Variants in SARDH observed in about 807,000 individuals in gnomAD.
SARDH encodes sarcosine dehydrogenase, also known as sarcosine dehydrogenase, mitochondrial.
In SARDH, 95 loss-of-function variants were observed where a neutral mutation model predicts 109.1. That is an observed-to-expected ratio of 0.87 (90% confidence interval 0.74 to 1.03). SARDH has a LOEUF of 1.03. SARDH is among the 50% of genes least tolerant of loss of function. SARDH has a pLI of 0.00. For missense variants in SARDH, 1,267 were observed against 1,287.8 expected, an observed-to-expected ratio of 0.98 and a Z score of 0.25; for synonymous variants, 572 against 534.8, an observed-to-expected ratio of 1.07 and a Z score of -0.96.
At chr9:133,732,401 C>G (rs1832718802) in intron 3 of SARDH, 22 bp downstream of exon 3, 3 of 787,886 alleles carry the variant, frequency 3.8e-6, no homozygotes, top group Non-Finnish European at 4.0e-6. Context: ...CCCCTCCTTG[C>G]CCCCCGCAGG....
Position 133,733,931 on chromosome 9 carries a change from G to C in SARDH, c.243C>G (p.Thr81=). 1 of 1,593,678 alleles carries C rather than the reference G, an allele frequency of 6.3e-7. No homozygotes were observed. The highest frequency in any genetic ancestry group is 8.5e-7 in the Non-Finnish European group (1 of 1,169,726). ...VIGGGSLGCQ[T]LYHLAKLGMS... is the part of the protein sequence containing the mutation. ...TGCCCAGCTTGGCCAGGTGGTACAG[G>C]GTCTGGCAGCCCAAGCTGCCTCCAC... Residue 81 remains threonine (T), a synonymous_variant, in exon 2 of 21, where the codon ACC becomes ACG. Transcript: ENST00000439388.
Position 133,688,683 on chromosome 9 carries a change from G to T in SARDH, c.2069+1697C>A, listed in dbSNP as rs758947032. Among the ~76,000 whole-genome samples the T allele has an allele frequency of 1.3e-4, 20 of 152,314 alleles. 1 individual carries two copies. The highest frequency in any genetic ancestry group is 3.8e-4 in the African/African-American group (16 of 41,566). On this transcript the variant is annotated intron_variant, in intron 16 of 20. Coordinates refer to ENST00000439388, the MANE Select transcript of SARDH (RefSeq NM_001134707.2). ...GCCTGCTCCATCCCAGCCTCAATGC[G>T]TGCCTCAGACATACGCACTGGCCTG...
chr9:133,689,226 C>T (rs1478092689), intron 16 of SARDH, among the ~76,000 whole-genome samples: 2 of 151,658 alleles, frequency 1.3e-5, no homozygotes, highest in African/African-American at 4.9e-5. Context: ...ATCCTCTCCC[C>T]GAAGCTGCCA....
downstream of SARDH, among the ~76,000 whole-genome samples, chr9:133,659,553 C>T (rs760062247): frequency 5.9e-5 from 9 of 152,240 alleles, no homozygotes; most frequent in African/African-American, 2.2e-4. Flanking sequence ...AACAGATGCA[C>T]TTGTGTTCAG....
chr9:133,664,614 A>G (rs1214394250), intron 20 of SARDH, among the ~76,000 whole-genome samples: 1 of 152,158 alleles, frequency 6.6e-6, no homozygotes, highest in Non-Finnish European at 1.5e-5. Flanking sequence ...AGGGCAGGCT[A>G]GGCCACTCAG....
rs200059736 is a variant in SARDH, at chr9:133,718,761, C to A, written c.1020+177G>T. The stretch of plus-strand genomic sequence containing the variant: ...CCCTGGGTCTGTATTTGACTGCCTG[C>A]CAGGACCGTCAGGGTAAGAGCAAGA... On this transcript the variant is annotated intron_variant, in intron 7 of 20. Transcript: ENST00000439388. This position sits in a 1 kb window ranked among gnomAD's most constrained non-coding sequence, Gnocchi z 4.2. 5.1e-6 allele frequency: 4 copies of A among 782,360 alleles called. No individual in the cohort carries two copies. The highest frequency in any genetic ancestry group is 7.1e-6 in the Non-Finnish European group (3 of 420,548). The allele number at this position is 782,360 out of a possible 1,614,324, so 48.5% of individuals were successfully genotyped here. A position where few individuals can be genotyped will look rare whatever the true frequency, so the allele number is the denominator to read the frequency against.
intron 17 of SARDH, among the ~76,000 whole-genome samples, chr9:133,683,013 C>T (rs113637854): frequency 0.024 from 3,600 of 150,860 alleles, 196 homozygotes; most frequent in African/African-American, 0.083. Flanking sequence ...TGGGGAGAGG[C>T]GGCCCCTGCA....
At chr9:133,700,580 A>T (rs1831446009) in intron 13 of SARDH, among the ~76,000 whole-genome samples, 1 of 152,162 alleles carries the variant, frequency 6.6e-6, no homozygotes, top group Admixed American at 6.5e-5. Flanking sequence ...TTGCTGGGAG[A>T]TGAAAACATT....
intron 15 of SARDH, among the ~76,000 whole-genome samples, chr9:133,691,939 G>A (rs1367748337): frequency 1.3e-5 from 2 of 152,110 alleles, no homozygotes; most frequent in South Asian, 2.1e-4. Flanking sequence ...AACCAGCACC[G>A]CCGATCCCCA....
intron 6 of SARDH, among the ~76,000 whole-genome samples, chr9:133,724,712 A>G (rs939575709): frequency 7.0e-6 from 1 of 143,874 alleles, no homozygotes; most frequent in African/African-American, 2.5e-5. Context: ...GCAGTGTTTC[A>G]CATTTTTAAT....
intron 19 of SARDH, among the ~76,000 whole-genome samples, chr9:133,669,944 A>T (rs969505349): frequency 6.6e-5 from 10 of 152,122 alleles, no homozygotes; most frequent in Non-Finnish European, 1.3e-4. Flanking sequence ...CTCTTTTGAG[A>T]CCTGCATGGG....
At chr9:133,717,262 TACTA>T in intron 8 of SARDH, 60 bp downstream of exon 8, 6 of 1,596,320 alleles carry the variant, frequency 3.8e-6, no homozygotes, top group Non-Finnish European at 5.1e-6. Context: ...GGGGCATCAC[TACTA>T]ACAGTCATCA....
intron 16 of SARDH, among the ~76,000 whole-genome samples, chr9:133,689,749 CT>C (rs1831025262): frequency 6.6e-6 from 1 of 152,178 alleles, no homozygotes; most frequent in Admixed American, 6.5e-5. Flanking sequence ...CCCCCAGTCC[CT>C]TCTCCCAGCC....
Position 133,732,539 on chromosome 9 carries a change from C to T in SARDH, c.394G>A (p.Val132Met). 1.9e-6 allele frequency: 3 copies of T among 1,613,912 alleles called. No homozygotes were observed. The highest frequency in any genetic ancestry group is 2.5e-6 in the Non-Finnish European group (3 of 1,179,924). ...EVELLAHTRR[V>M]VSRELEEETG... Reference sequence around the variant, plus strand: ...TCCTCCTCCAGCTCCCGGCTCACCACCCGCCGAGTGTGGGCCAGAAGCTCC... The same window carrying T: ...TCCTCCTCCAGCTCCCGGCTCACCATCCGCCGAGTGTGGGCCAGAAGCTCC... Residue 132 changes from valine (V) to methionine (M), a missense_variant, in exon 3 of 21, where the codon GTG (valine) becomes ATG (methionine). Physicochemically the swap from Val to Met is conservative, Grantham distance 21 (BLOSUM62 1). Transcript: ENST00000439388.
In SARDH at chr9:133,696,380, G is replaced by T; in HGVS notation, c.1669-19C>A. 1.2e-6 allele frequency: 2 copies of T among 1,613,848 alleles called. No homozygotes were observed. On this transcript the variant is annotated intron_variant, in intron 13 of 20. Transcript: ENST00000439388. The stretch of plus-strand genomic sequence containing the variant: ...TCTTGATCTGAAAAGTTCCAGACAG[G>T]TGGGAATGCCACGGGGGCCTTTGGG...
Position 133,728,494 on chromosome 9 carries a change from C to T in SARDH, c.915+1271G>A, listed in dbSNP as rs535584643. Among the ~76,000 whole-genome samples the T allele has an allele frequency of 3.3e-4, 50 of 152,294 alleles. No individual in the cohort carries two copies. The highest frequency in any genetic ancestry group is 1.2e-3 in the African/African-American group (50 of 41,558). ...TCTCTGAACGGCCATGCTCTGTGCA[C>T]GCTCCTTGTCCACCATGCCACCCTC... On this transcript the variant is annotated intron_variant, in intron 6 of 20. Transcript: ENST00000439388. This position sits in a 1 kb window ranked among gnomAD's most constrained non-coding sequence, Gnocchi z 5.0.
downstream of SARDH, among the ~76,000 whole-genome samples, chr9:133,663,383 T>A (rs1342345092): frequency 2.0e-5 from 3 of 152,230 alleles, no homozygotes; most frequent in African/African-American, 7.2e-5. Context: ...AGAGGCACCA[T>A]CCTGAAGAAT....
intron 3 of SARDH, 33 bp downstream of exon 3, chr9:133,732,390 C>CA: frequency 1.4e-6 from 2 of 1,477,038 alleles, no homozygotes; most frequent in Non-Finnish European, 1.9e-6. Flanking sequence ...CCACCCAAGC[C>CA]CCCCTCCTTG....
chr9:133,731,378 G>A lies in SARDH; in HGVS notation c.617C>T (p.Pro206Leu), dbSNP rs1332737703. Residue 206 changes from proline (P) to leucine (L), a missense_variant, in exon 4 of 21, where the codon CCG (proline) becomes CTG (leucine). Pro to Leu is a moderately conservative substitution (Grantham distance 98). Coordinates refer to ENST00000439388, the MANE Select transcript of SARDH (RefSeq NM_001134707.2). Reference sequence around the variant, plus strand: ...AGCGGGGTCCATGGTACCGTCGTGCGGCACATACAGGGTCCCGTAGAGGTC... The same window carrying A: ...AGCGGGGTCCATGGTACCGTCGTGCAGCACATACAGGGTCCCGTAGAGGTC... ...VDDLYGTLYV[P>L]HDGTMDPAGT... The A allele has an allele frequency of 8.7e-6, 14 of 1,614,058 alleles. No homozygotes were observed. The highest frequency in any genetic ancestry group is 1.2e-5 in the Non-Finnish European group (14 of 1,180,030).
Sources: gnomAD v4.1 joint callset for allele counts (sites outside exome capture counted in the v4.1 genomes callset) on GRCh38, gnomAD v4.1.1 for gene constraint, Gnocchi (gnomAD v3.1) non-coding constraint, MANE v1.5 for transcripts, NCBI Gene and HGNC (gene_info 2026-07-23, HGNC 2026-07-21) for gene names.